Variants in SLC4A10 observed in about 807,000 individuals in gnomAD.
SLC4A10 encodes the protein sodium-driven chloride bicarbonate exchanger.
Under a neutral mutation model 137.7 loss-of-function variants are expected in SLC4A10, and 42 were observed. That is an observed-to-expected ratio of 0.30 (90% CI 0.24 to 0.39). SLC4A10 has a LOEUF of 0.39. SLC4A10 is among the 10% of genes least tolerant of loss of function. The pLI is 1.00. For synonymous variants in SLC4A10, 474 were observed against 464.1 expected (o/e 1.02, Z -0.27); for missense variants, 925 against 1,355.0 (o/e 0.68, Z 4.98).
intron 8 of SLC4A10, 89 bp from the exon 9 acceptor site, chr2:161,879,042 G>T: frequency 9.0e-7 from 1 of 1,112,330 alleles, no homozygotes; most frequent in Non-Finnish European, 1.3e-6. Flanking sequence ...TTTATTCATG[G>T]ATTACTATAT....
At chr2:161,886,881 T>G (rs912316404) in intron 10 of SLC4A10, among the ~76,000 whole-genome samples, 4 of 152,098 alleles carry the variant, frequency 2.6e-5, no homozygotes, top group Non-Finnish European at 5.9e-5. Flanking sequence ...CATGGTGGTT[T>G]GCTGCACCCA....
intron 1 of SLC4A10, among the ~76,000 whole-genome samples, chr2:161,703,235 A>G (rs2125017330): frequency 6.6e-6 from 1 of 151,844 alleles, no homozygotes; most frequent in East Asian, 1.9e-4. Flanking sequence ...TGTTTATTAC[A>G]CTGTTATTTA....
intron 10 of SLC4A10, among the ~76,000 whole-genome samples, chr2:161,891,719 C>T (rs541308139): frequency 6.6e-6 from 1 of 152,092 alleles, no homozygotes; most frequent in Non-Finnish European, 1.5e-5. Flanking sequence ...AGGTTCTTAG[C>T]TTCCTTGCAT....
intron 2 of SLC4A10, among the ~76,000 whole-genome samples, chr2:161,774,851 C>T (rs1223410562): frequency 1.3e-5 from 2 of 151,872 alleles, no homozygotes; most frequent in African/African-American, 4.8e-5. Context: ...CAGACTCCCT[C>T]AACACATATC....
chr2:161,738,085 A>G (rs2047526883), intron 1 of SLC4A10, among the ~76,000 whole-genome samples: 2 of 152,172 alleles, frequency 1.3e-5, no homozygotes, highest in African/African-American at 4.8e-5. Flanking sequence ...GATTAAAAAA[A>G]ATTGTTCAAA....
intron 1 of SLC4A10, among the ~76,000 whole-genome samples, chr2:161,691,771 T>C (rs747870611): frequency 6.6e-6 from 1 of 152,120 alleles, no homozygotes; most frequent in Non-Finnish European, 1.5e-5. Flanking sequence ...AAGTCTTCCA[T>C]TCCTTTGTTC....
At chr2:161,728,265 A>G (rs780962020) in intron 1 of SLC4A10, among the ~76,000 whole-genome samples, 4 of 152,202 alleles carry the variant, frequency 2.6e-5, no homozygotes, top group African/African-American at 4.8e-5. Flanking sequence ...ACAGTTAAAA[A>G]CAGTTCAAAA....
intron 2 of SLC4A10, among the ~76,000 whole-genome samples, chr2:161,801,188 T>A (rs1336274211): frequency 1.3e-5 from 2 of 152,080 alleles, no homozygotes; most frequent in Non-Finnish European, 2.9e-5. Context: ...GGGTGTCACC[T>A]GTAATCATTG....
At chr2:161,927,044 T>C (rs1170983235) in intron 15 of SLC4A10, among the ~76,000 whole-genome samples, 1 of 152,142 alleles carries the variant, frequency 6.6e-6, no homozygotes, top group Non-Finnish European at 1.5e-5. Context: ...GTCTTGGAGT[T>C]GGTATTCTCG....
chr2:161,941,793 G>C (rs559047156), intron 15 of SLC4A10, among the ~76,000 whole-genome samples: 14 of 152,188 alleles, frequency 9.2e-5, no homozygotes, highest in Admixed American at 2.6e-4. Flanking sequence ...AACAAGGTAG[G>C]GGGTGTTACA....
Position 161,735,560 on chromosome 2 carries a change from T to TA in SLC4A10, c.49-35410dup, listed in dbSNP as rs2047259354. On this transcript the variant is annotated intron_variant, in intron 1 of 26. Coordinates refer to ENST00000446997, the MANE Select transcript of SLC4A10 (RefSeq NM_001178015.2). Reference sequence around the variant, plus strand: ...TGCCTTCCCCAGTCATGCTGGGTCTTAAATAACTATATGGCATCCAGGACA... The same window carrying TA: ...TGCCTTCCCCAGTCATGCTGGGTCTTAAAATAACTATATGGCATCCAGGACA... Among the ~76,000 whole-genome samples the TA allele has an allele frequency of 2.6e-5, 4 of 152,270 alleles. No individual in the cohort carries two copies. In the East Asian group the frequency reaches 7.7e-4, roughly 29 times the overall value.
At chr2:161,641,618 A>G (rs1372467721) in intron 1 of SLC4A10, among the ~76,000 whole-genome samples, 1 of 152,116 alleles carries the variant, frequency 6.6e-6, no homozygotes. Context: ...CTTTCTATTT[A>G]GATTTTTAAC....
chr2:161,740,000 C>T (rs1468836196), intron 1 of SLC4A10, among the ~76,000 whole-genome samples: 2 of 152,154 alleles, frequency 1.3e-5, no homozygotes, highest in East Asian at 3.9e-4. Flanking sequence ...ATCCTCTTGC[C>T]TGAGTGTATG....
chr2:161,727,495 T>C (rs545366308), intron 1 of SLC4A10, among the ~76,000 whole-genome samples: 1 of 152,214 alleles, frequency 6.6e-6, no homozygotes, highest in South Asian at 2.1e-4. Context: ...AAAGAAATAT[T>C]TTGGGAGCAG....
intron 1 of SLC4A10, among the ~76,000 whole-genome samples, chr2:161,736,258 T>C (rs1342937693): frequency 1.3e-5 from 2 of 152,158 alleles, no homozygotes; most frequent in Non-Finnish European, 2.9e-5. Flanking sequence ...ATCTGTACCT[T>C]GAAAGCACAG....
chr2:161,703,357 A>G (rs1243802265), intron 1 of SLC4A10, among the ~76,000 whole-genome samples: 1 of 151,738 alleles, frequency 6.6e-6, no homozygotes, highest in Non-Finnish European at 1.5e-5. Flanking sequence ...ATTATGTTAT[A>G]GAAAAATACT....
chr2:161,855,954 G>A (rs780786626), intron 5 of SLC4A10, among the ~76,000 whole-genome samples: 13 of 152,012 alleles, frequency 8.6e-5, no homozygotes, highest in East Asian at 1.9e-4. Context: ...TAATCATATT[G>A]TAGAGATGAA....
intron 3 of SLC4A10, among the ~76,000 whole-genome samples, chr2:161,829,377 A>G (rs1047405625): frequency 6.6e-6 from 1 of 152,196 alleles, no homozygotes; most frequent in Non-Finnish European, 1.5e-5. Context: ...AGACGGCAGT[A>G]TGTTGTTTTT....
chr2:161,697,256 G>C (rs984945014), intron 1 of SLC4A10, among the ~76,000 whole-genome samples: 3 of 152,072 alleles, frequency 2.0e-5, no homozygotes, highest in Non-Finnish European at 4.4e-5. Context: ...TCTGTAGGTT[G>C]CCTGTTCACT....
Sources: allele counts gnomAD v4.1 joint callset (sites outside exome capture counted in the v4.1 genomes callset), GRCh38; gene constraint gnomAD v4.1.1; transcripts MANE v1.5; gene names NCBI Gene and HGNC (gene_info 2026-07-23, HGNC 2026-07-21).